Variants in AUH observed in about 807,000 individuals in gnomAD.
AUH encodes methylglutaconyl-CoA hydratase, mitochondrial.
Under a neutral mutation model 42.3 loss-of-function variants are expected in AUH, and 29 were observed. The observed-to-expected ratio is 0.69, with a 90% CI of 0.51 to 0.93. The LOEUF (loss-of-function observed/expected upper bound fraction) is 0.93, where lower values mean the gene tolerates loss of function less well. Among genes scored for constraint, AUH ranks in the 40% least tolerant of loss-of-function variants. AUH has a pLI of 0.00. For synonymous variants in AUH, 174 were observed against 166.4 expected (o/e 1.05, Z -0.35); for missense variants, 452 against 438.1 (o/e 1.03, Z -0.28).
In AUH at chr9:91,220,976, C is replaced by T; in HGVS notation, c.672G>A (p.Leu224=). ...IIPGGGGTQR[L]PRAIGMSLAK... is the part of the protein sequence containing the mutation. ...CCAGGGACATTCCAATGGCGCGTGG[C>T]AATCGCTGTGTCCCCCCTGAGGGGT... The change falls in exon 7 of 10, where the codon TTG becomes TTA. Residue 224 remains leucine (L), a synonymous_variant. Coordinates refer to ENST00000375731, the MANE Select transcript of AUH (RefSeq NM_001698.3). 5 of 1,614,110 alleles carry T rather than the reference C, an allele frequency of 3.1e-6. No homozygotes were observed. Among genetic ancestry groups the T allele is most frequent in the Non-Finnish European group, 4.2e-6 (5 of 1,180,016 alleles).
intron 6 of AUH, 110 bp from the exon 7 acceptor site, chr9:91,221,102 T>A (rs1318956242): frequency 8.0e-6 from 10 of 1,250,134 alleles, no homozygotes; most frequent in Non-Finnish European, 1.1e-5. Context: ...GAAGTTTATA[T>A]GTTAAAATTA....
intron 4 of AUH, among the ~76,000 whole-genome samples, chr9:91,315,468 G>C (rs1829085890): frequency 6.6e-6 from 1 of 152,132 alleles, no homozygotes; most frequent in Non-Finnish European, 1.5e-5. Flanking sequence ...CTTCCAAGTG[G>C]CAGTTTCTGG....
At chr9:91,259,430 CT>C (rs544910211) in intron 6 of AUH, among the ~76,000 whole-genome samples, 218 of 144,544 alleles carry the variant, frequency 1.5e-3, no homozygotes, top group South Asian at 8.5e-3. Flanking sequence ...ATCAGGTTGG[CT>C]TTTTTTTTTT....
At chr9:91,226,405 T>C (rs1587636449) in intron 6 of AUH, among the ~76,000 whole-genome samples, 1 of 149,118 alleles carries the variant, frequency 6.7e-6, no homozygotes, top group East Asian at 2.0e-4. Context: ...GTTGTTTGTT[T>C]TTTTCTTGTA....
intron 4 of AUH, among the ~76,000 whole-genome samples, chr9:91,303,440 C>T (rs1267919667): frequency 6.6e-6 from 1 of 152,116 alleles, no homozygotes; most frequent in Non-Finnish European, 1.5e-5. Flanking sequence ...ACACCATTCT[C>T]CTGCCTCAGT....
At chr9:91,278,212 T>C (rs569434471) in intron 6 of AUH, among the ~76,000 whole-genome samples, 27 of 152,170 alleles carry the variant, frequency 1.8e-4, no homozygotes, top group Non-Finnish European at 3.4e-4. Context: ...TCCAGCAATA[T>C]AGTCACAAAG....
intron 6 of AUH, among the ~76,000 whole-genome samples, chr9:91,292,807 T>C (rs1827015888): frequency 6.6e-6 from 1 of 152,202 alleles, no homozygotes; most frequent in African/African-American, 2.4e-5. Context: ...TACCTCATTT[T>C]GTCGTGCTTC....
At chr9:91,238,727 C>T (rs956386778) in intron 6 of AUH, among the ~76,000 whole-genome samples, 3 of 152,176 alleles carry the variant, frequency 2.0e-5, no homozygotes, top group Non-Finnish European at 4.4e-5. Flanking sequence ...TGCGATTATA[C>T]TACTTAAAAC....
chr9:91,348,471 A>T (rs1190593416), intron 3 of AUH, among the ~76,000 whole-genome samples: 1 of 152,244 alleles, frequency 6.6e-6, no homozygotes, highest in Non-Finnish European at 1.5e-5. Flanking sequence ...GATGCATAAA[A>T]GCCAAACGAT....
At chr9:91,259,536 G>A (rs1829594830) in intron 6 of AUH, among the ~76,000 whole-genome samples, 1 of 151,616 alleles carries the variant, frequency 6.6e-6, no homozygotes, top group East Asian at 1.9e-4. Context: ...TAAAAGTTTA[G>A]ATCACTGATT....
intron 6 of AUH, among the ~76,000 whole-genome samples, chr9:91,289,577 G>A (rs1334147423): frequency 6.6e-6 from 1 of 152,206 alleles, no homozygotes. Context: ...AGTCTACTGT[G>A]TCTATTATAG....
chr9:91,256,832 A>G (rs1587706291), intron 6 of AUH, among the ~76,000 whole-genome samples: 1 of 152,058 alleles, frequency 6.6e-6, no homozygotes, highest in Non-Finnish European at 1.5e-5. Context: ...CATGGAAGGT[A>G]CCTGGGCTGC....
chr9:91,283,837 C>A (rs1227141912), intron 6 of AUH, among the ~76,000 whole-genome samples: 1 of 152,150 alleles, frequency 6.6e-6, no homozygotes, highest in Non-Finnish European at 1.5e-5. Context: ...GAAGAACATT[C>A]CATGCTCATA....
intron 6 of AUH, among the ~76,000 whole-genome samples, chr9:91,293,023 G>A (rs1827035746): frequency 6.6e-6 from 1 of 152,096 alleles, no homozygotes; most frequent in Non-Finnish European, 1.5e-5. Context: ...TGTTACTACT[G>A]TAATTATTTT....
At chr9:91,244,046 T>G (rs1378142984) in intron 6 of AUH, among the ~76,000 whole-genome samples, 1 of 152,084 alleles carries the variant, frequency 6.6e-6, no homozygotes, top group East Asian at 1.9e-4. Context: ...ATCCAGTCAG[T>G]TTTTCAAAAC....
rs1028987892 is a variant in AUH, at chr9:91,276,416, A to C, written c.655+19605T>G. On this transcript the variant is annotated intron_variant, in intron 6 of 9. Coordinates refer to ENST00000375731, the MANE Select transcript of AUH (RefSeq NM_001698.3). Reference sequence around the variant, plus strand: ...TGACAGAGTAAGACCCTGTCTCCCAAAAAAAAAAAAAAAAGAGTATTGCAT... The same window carrying C: ...TGACAGAGTAAGACCCTGTCTCCCACAAAAAAAAAAAAAAGAGTATTGCAT... Among the ~76,000 whole-genome samples the C allele has an allele frequency of 8.3e-3, 730 of 87,780 alleles. 7 individuals carry two copies. The highest frequency in any genetic ancestry group is 0.016 in the South Asian group (45 of 2,868). The allele number at this position is 87,780 out of a possible 152,430, so 57.6% of individuals were successfully genotyped here.
At position 91,325,385 on chromosome 9, in the gene AUH, T is replaced by A; in HGVS notation, c.438A>T (p.Arg146Ser). The A allele has an allele frequency of 6.2e-7, 1 of 1,613,892 alleles. No homozygotes were observed. Among genetic ancestry groups the A allele is most frequent in the Non-Finnish European group, 8.5e-7 (1 of 1,179,846 alleles). ...IFCAGADLKE[R>S]AKMSSSEVGP... is the part of the protein sequence containing the mutation. ...CAACTTCACTGGAACTCATTTTGGC[T>A]CTTTCCTTAAGGTCAGCACCTGCAA... The change falls in exon 4 of 10, where the codon AGA (arginine) becomes AGT (serine). Residue 146 changes from arginine to serine, a missense_variant. Transcript: ENST00000375731.
chr9:91,230,341 C>T (rs897342599), intron 6 of AUH, among the ~76,000 whole-genome samples: 4 of 152,110 alleles, frequency 2.6e-5, no homozygotes, highest in African/African-American at 7.2e-5. Flanking sequence ...TCCAGTTGAT[C>T]GCAGCGGCTC....
chr9:91,317,656 C>T (rs188025158), intron 4 of AUH, among the ~76,000 whole-genome samples: 16 of 152,278 alleles, frequency 1.1e-4, no homozygotes, highest in African/African-American at 3.4e-4. Flanking sequence ...CTGCCTACTA[C>T]AGAAACCAGG....
Sources: gnomAD v4.1 joint callset for allele counts (sites outside exome capture counted in the v4.1 genomes callset) on GRCh38, gnomAD v4.1.1 for gene constraint, MANE v1.5 for transcripts, NCBI Gene and HGNC (gene_info 2026-07-23, HGNC 2026-07-21) for gene names.